NRN1: variants seen among roughly 807,000 people sequenced by gnomAD.
NRN1 encodes the protein neuritin.
In NRN1, 4 loss-of-function variants were observed where a neutral mutation model predicts 15.0. That is an observed-to-expected ratio of 0.27 (90% CI 0.13 to 0.61). The LOEUF is 0.61. Ranked by LOEUF, NRN1 falls within the 20% of genes least tolerant of loss-of-function variation. The pLI is 0.87. For synonymous variants in NRN1, 85 were observed against 79.8 expected (o/e 1.07, Z -0.35); for missense variants, 134 against 181.9 (o/e 0.74, Z 1.51).
chr6:6,004,041 C>G (rs931264222), intron 1 of NRN1: 7 of 1,174,980 alleles, frequency 6.0e-6, no homozygotes, highest in Admixed American at 4.6e-5. Context: ...TGACCGAACC[C>G]GTAGCAGCTT....
rs1757860564 is a variant in NRN1 at position 5,999,165 on chromosome 6, A to G, written c.240T>C (p.Leu80=). Residue 80 remains leucine (L), a synonymous_variant, in exon 3 of 3, where the codon CTT becomes CTC. Coordinates refer to ENST00000244766, the MANE Select transcript of NRN1 (RefSeq NM_016588.3). ...EDFHSCTVTA[L]TDCQEGAKDM... ...CTTTCGCCCCTTCCTGGCAATCCGT[A>G]AGGGCTGTGACCGTGCAGCTGTGGA... 6.2e-7 allele frequency: 1 copy of G among 1,613,936 alleles called. No homozygotes were observed. The highest frequency in any genetic ancestry group is 1.3e-5 in the African/African-American group (1 of 74,938).
intron 1 of NRN1, 183 bp from the exon 2 acceptor site, chr6:6,002,680 T>A: frequency 5.4e-6 from 4 of 734,166 alleles, no homozygotes; most frequent in Non-Finnish European, 8.7e-6. Flanking sequence ...ATGCCCGACC[T>A]GCAGCTAACG....
At chr6:5,999,516 G>T (rs1757874179) in intron 2 of NRN1, among the ~76,000 whole-genome samples, 1 of 152,256 alleles carries the variant, frequency 6.6e-6, no homozygotes, top group Non-Finnish European at 1.5e-5. Context: ...TGGCGCGCTG[G>T]CACCTCGGCC....
At chr6:6,003,052 C>G in intron 1 of NRN1, 1 of 568,918 alleles carries the variant, frequency 1.8e-6, no homozygotes, top group Non-Finnish European at 2.6e-6. Context: ...TCAGGCTTGG[C>G]GCTCTGTCCT....
chr6:6,003,626 G>T, intron 1 of NRN1: 1 of 977,850 alleles, frequency 1.0e-6, no homozygotes, highest in South Asian at 5.1e-5. Flanking sequence ...GCCGCACGAA[G>T]GTCCAAGCCC....
chr6:6,006,880 C>G lies in NRN1; in HGVS notation c.-131G>C. On this transcript the variant is annotated 5_prime_UTR_variant, in exon 1 of 3. Transcript: ENST00000244766. Reference sequence around the variant, plus strand: ...ACAGAGACTTTATGCACTGGGAAGGCAGAGGGAGGAGAGAAAGAGAGGGAG... The same window carrying G: ...ACAGAGACTTTATGCACTGGGAAGGGAGAGGGAGGAGAGAAAGAGAGGGAG... 1.6e-6 allele frequency: 1 copy of G among 623,118 alleles called. No individual in the cohort carries two copies. Among genetic ancestry groups the G allele is most frequent in the Non-Finnish European group, 3.0e-6 (1 of 338,834 alleles). The allele number at this position is 623,118 out of a possible 1,614,324, so 38.6% of individuals were successfully genotyped here. A position where few individuals can be genotyped will look rare whatever the true frequency, so the allele number is the denominator to read the frequency against.
intron 1 of NRN1, chr6:6,003,844 A>C: frequency 8.1e-7 from 1 of 1,233,222 alleles, no homozygotes; most frequent in South Asian, 4.1e-5. Flanking sequence ...CGGGGAAGAA[A>C]GGGTGAATCT....
chr6:6,001,969 G>T (rs1259444491), intron 2 of NRN1, among the ~76,000 whole-genome samples: 1 of 152,222 alleles, frequency 6.6e-6, no homozygotes, highest in Non-Finnish European at 1.5e-5. Flanking sequence ...CAAGAGCAAA[G>T]AATGATCAAG....
chr6:6,005,402 A>G (rs770718149), intron 1 of NRN1, among the ~76,000 whole-genome samples: 1 of 152,358 alleles, frequency 6.6e-6, no homozygotes, highest in Middle Eastern at 3.4e-3. Flanking sequence ...AACTAAAGGA[A>G]AACACCAATA....
chr6:6,006,800 T>C lies in NRN1; in HGVS notation c.-51A>G, dbSNP rs372987536. 1 of 1,594,370 alleles carries C rather than the reference T, an allele frequency of 6.3e-7. No homozygotes were observed. The highest frequency in any genetic ancestry group is 2.2e-5 in the East Asian group (1 of 44,746). ...ACCGCAGACCTTTAAATAGTTAGTT[T>C]AGAGAACGCGGGGGAAAGCCAAAAA... On this transcript the variant is annotated 5_prime_UTR_variant, in exon 1 of 3. Transcript: ENST00000244766.
chr6:6,005,477 C>T (rs929654454), intron 1 of NRN1, among the ~76,000 whole-genome samples: 3 of 152,186 alleles, frequency 2.0e-5, no homozygotes, highest in Admixed American at 2.0e-4. Flanking sequence ...AAAATCATGT[C>T]AGTTGCATAA....
chr6:6,000,010 C>T (rs1487615556), intron 2 of NRN1, among the ~76,000 whole-genome samples: 1 of 152,192 alleles, frequency 6.6e-6, no homozygotes, highest in Admixed American at 6.5e-5. Flanking sequence ...TCTTGCGAAT[C>T]CAAGTGTCCC....
At chr6:6,002,848 C>T (rs1466461350) in intron 1 of NRN1, 1 of 380,860 alleles carries the variant, frequency 2.6e-6, no homozygotes, top group Non-Finnish European at 4.7e-6. Context: ...TTTTATTTCT[C>T]TTTCTCCTCG....
intron 1 of NRN1, among the ~76,000 whole-genome samples, chr6:6,004,772 G>C (rs1452381384): frequency 6.6e-6 from 1 of 152,124 alleles, no homozygotes; most frequent in African/African-American, 2.4e-5. Context: ...AGACTCTAGC[G>C]GGTGACCCTG....
chr6:6,004,515 G>T (rs1246377662), intron 1 of NRN1, among the ~76,000 whole-genome samples: 2 of 152,216 alleles, frequency 1.3e-5, no homozygotes, highest in East Asian at 3.9e-4. Flanking sequence ...CCGGGGGCGG[G>T]AGCGCTCTTG....
chr6:6,002,490 C>G lies in NRN1; in HGVS notation c.63G>C (p.Leu21=). ...SLILAVQIAY[L]VQAVRAAGKC... is the part of the protein sequence containing the mutation. ...TGCCCGCTGCTCTCACGGCCTGCAC[C>G]AGATACGCTGCGGGGAGGAGGGAAC... is the stretch of plus-strand genomic sequence containing the variant. The change falls in exon 2 of 3, where the codon CTG becomes CTC. Residue 21 remains leucine (L), a synonymous_variant. Transcript: ENST00000244766. The G allele has an allele frequency of 6.2e-7, 1 of 1,613,668 alleles. No homozygotes were observed. Among genetic ancestry groups the G allele is most frequent in the African/African-American group, 1.3e-5 (1 of 75,066 alleles).
upstream of NRN1, chr6:6,007,490 CT>C: frequency 6.5e-6 from 1 of 152,866 alleles, no homozygotes; most frequent in South Asian, 2.1e-4. Context: ...TGCCTACCCT[CT>C]TTTTCTCCAA....
At position 6,000,748 on chromosome 6, in the gene NRN1, T is replaced by TTTTTTTTTTTTTTTTTA. The variant is rs1554145373; in HGVS notation, c.201-1545_201-1544insTAAAAAAAAAAAAAAAA. Among the ~76,000 whole-genome samples, 35 of 99,130 alleles carry TTTTTTTTTTTTTTTTTA rather than the reference T, an allele frequency of 3.5e-4. 4 individuals are homozygous for TTTTTTTTTTTTTTTTTA. The highest frequency in any genetic ancestry group is 1.2e-3 in the South Asian group (3 of 2,476). 65.0% of individuals were successfully genotyped at this position (99,130 alleles called of 152,430 possible). A position where few individuals can be genotyped will look rare whatever the true frequency, so the allele number is the denominator to read the frequency against. ...TTTTTTTTTTTTTTTTTTTTTTTTT[T>TTTTTTTTTTTTTTTTTA]ATGTACGCCCAGATGAGGGCAGAGT... On this transcript the variant is annotated intron_variant, in intron 2 of 2. Transcript: ENST00000244766.
At chr6:6,001,454 C>T (rs1222175365) in intron 2 of NRN1, among the ~76,000 whole-genome samples, 3 of 152,146 alleles carry the variant, frequency 2.0e-5, no homozygotes, top group Admixed American at 2.0e-4. Context: ...GCTGCAGGTC[C>T]ACTGCAGTAG....
Sources: allele counts gnomAD v4.1 joint callset (sites outside exome capture counted in the v4.1 genomes callset), GRCh38; gene constraint gnomAD v4.1.1; transcripts MANE v1.5; gene names NCBI Gene and HGNC (gene_info 2026-07-23, HGNC 2026-07-21).